Variants in ADARB2 observed in about 807,000 individuals in gnomAD.
ADARB2 encodes adenosine deaminase RNA specific B2 (inactive), also known as inactive double-stranded RNA-specific editase B2.
Under a neutral mutation model 62.2 loss-of-function variants are expected in ADARB2, and 25 were observed. The ratio of observed to expected loss-of-function variants is 0.40; its 90% confidence interval spans 0.29 to 0.56. The LOEUF is 0.56. ADARB2 is among the 20% of genes least tolerant of loss of function. The pLI is 0.43. For synonymous variants in ADARB2, 572 were observed against 500.8 expected, an observed-to-expected ratio of 1.14 and a Z score of -1.90; for missense variants, 1,071 against 1,077.4, an observed-to-expected ratio of 0.99 and a Z score of 0.08.
chr10:1,362,193 A>G lies in ADARB2; in HGVS notation c.1077+835T>C, dbSNP rs554340531. ...ATGACAGGAAATGTCCTCTCCATTT[A>G]CACAGGGCCTACGCCGAGTAACCAA... On this transcript the variant is annotated intron_variant, in intron 3 of 9. Coordinates refer to ENST00000381312, the MANE Select transcript of ADARB2 (RefSeq NM_018702.4). Among the ~76,000 whole-genome samples, 22 of 152,376 alleles carry G rather than the reference A, an allele frequency of 1.4e-4. 1 individual carries two copies. The South Asian group carries it at 4.6e-3, about 32-fold the overall frequency.
At chr10:1,499,316 TTCATTACTCACTGAATTAACCATTCAG>T (rs1831733248) in intron 1 of ADARB2, among the ~76,000 whole-genome samples, 1 of 151,652 alleles carries the variant, frequency 6.6e-6, no homozygotes, top group South Asian at 2.1e-4. Context: ...TCATCACGCA[TTCATTACTCACTGAATTAACCATTCAG>T]TCATTACTCA....
At chr10:1,486,346 C>G (rs1831542595) in intron 1 of ADARB2, among the ~76,000 whole-genome samples, 1 of 152,124 alleles carries the variant, frequency 6.6e-6, no homozygotes. Flanking sequence ...GCATTATTCT[C>G]TCTAAATTCC....
At chr10:1,346,792 G>T (rs771459062) in intron 3 of ADARB2, among the ~76,000 whole-genome samples, 4 of 152,240 alleles carry the variant, frequency 2.6e-5, no homozygotes, top group African/African-American at 4.8e-5. Flanking sequence ...TCTCCCATCT[G>T]CCCAGGGTCC....
intron 7 of ADARB2, among the ~76,000 whole-genome samples, chr10:1,201,128 C>A (rs1836980072): frequency 6.6e-6 from 1 of 152,158 alleles, no homozygotes; most frequent in Admixed American, 6.5e-5. Flanking sequence ...TCCAAAAACA[C>A]AAGCAATTTA....
intron 1 of ADARB2, among the ~76,000 whole-genome samples, chr10:1,531,768 C>T (rs2131960105): frequency 1.3e-5 from 2 of 152,110 alleles, no homozygotes; most frequent in Middle Eastern, 3.4e-3. Flanking sequence ...ACCCCGGAGG[C>T]GGAGGTTGCA....
At chr10:1,730,004 G>T (rs1473061947) in intron 1 of ADARB2, among the ~76,000 whole-genome samples, 1 of 152,208 alleles carries the variant, frequency 6.6e-6, no homozygotes, top group Non-Finnish European at 1.5e-5. Context: ...GCACATCCTG[G>T]TTAAGGGGTT....
At chr10:1,356,600 T>C (rs1832198251) in intron 3 of ADARB2, among the ~76,000 whole-genome samples, 1 of 152,192 alleles carries the variant, frequency 6.6e-6, no homozygotes. Flanking sequence ...GCTTTCATGC[T>C]GGCCTTCCAG....
chr10:1,684,206 A>G (rs944461823), intron 1 of ADARB2, among the ~76,000 whole-genome samples: 1 of 152,212 alleles, frequency 6.6e-6, no homozygotes, highest in African/African-American at 2.4e-5. Flanking sequence ...TCCATGACAG[A>G]AAAACAGACT....
At chr10:1,496,699 C>T (rs1831697098) in intron 1 of ADARB2, among the ~76,000 whole-genome samples, 2 of 152,084 alleles carry the variant, frequency 1.3e-5, no homozygotes, top group Admixed American at 1.3e-4. Flanking sequence ...ACTTAATTAT[C>T]ATCACCATTG....
Position 1,234,565 on chromosome 10 carries a change from C to T in ADARB2, c.1362-720G>A, listed in dbSNP as rs372029876. Among the ~76,000 whole-genome samples the T allele has an allele frequency of 2.3e-4, 35 of 151,012 alleles. No homozygotes were observed. The South Asian group carries it at 3.0e-3, about 13-fold the overall frequency. On this transcript the variant is annotated intron_variant, in intron 5 of 9. Transcript: ENST00000381312. ...AAGTGATCCTCCTGCCTCAGCCTCC[C>T]GAGTAGCTGGGACTACAGGTGCACA...
At chr10:1,721,414 A>G (rs1835091131) in intron 1 of ADARB2, among the ~76,000 whole-genome samples, 1 of 152,218 alleles carries the variant, frequency 6.6e-6, no homozygotes. Flanking sequence ...CGTGTTTTCT[A>G]TATTTTCCCA....
At chr10:1,556,810 A>G (rs750936293) in intron 1 of ADARB2, 1 of 534,510 alleles carries the variant, frequency 1.9e-6, no homozygotes, top group Non-Finnish European at 3.8e-6. Flanking sequence ...CCCTGGAAGC[A>G]TATGCTGCAG....
chr10:1,612,818 C>T (rs1483613661), intron 1 of ADARB2, among the ~76,000 whole-genome samples: 2 of 152,228 alleles, frequency 1.3e-5, no homozygotes, highest in Non-Finnish European at 2.9e-5. Flanking sequence ...ATAATATCCT[C>T]GTTTTGCCTC....
intron 6 of ADARB2, among the ~76,000 whole-genome samples, chr10:1,231,448 C>T (rs1243283938): frequency 6.6e-6 from 1 of 152,130 alleles, no homozygotes; most frequent in Non-Finnish European, 1.5e-5. Context: ...TGAAGCCACT[C>T]CTGGTGGTTT....
chr10:1,228,674 A>C (rs1427835496), intron 6 of ADARB2, among the ~76,000 whole-genome samples: 1 of 152,248 alleles, frequency 6.6e-6, no homozygotes, highest in Non-Finnish European at 1.5e-5. Context: ...CCTGGGTCAC[A>C]TGACATTGAA....
rs1387055199 is a variant in ADARB2, at chr10:1,481,637, T to C, written c.101-102477A>G. On this transcript the variant is annotated intron_variant, in intron 1 of 9. Coordinates refer to ENST00000381312, the MANE Select transcript of ADARB2 (RefSeq NM_018702.4). ...CATCATCCCAGCTGAAGTGTGCGGA[T>C]CACGAGGTCAGGAGTTCAAGACCAG... 4.1e-4 allele frequency among the ~76,000 whole-genome samples: 8 copies of C among 19,472 alleles called. No homozygotes were observed. The Non-Finnish European group carries it at 0.014, about 34-fold the overall frequency. 12.8% of individuals were successfully genotyped at this position (19,472 alleles called of 152,430 possible). A position where few individuals can be genotyped will look rare whatever the true frequency, so the allele number is the denominator to read the frequency against.
chr10:1,670,385 T>G (rs898213418), intron 1 of ADARB2, among the ~76,000 whole-genome samples: 1 of 152,368 alleles, frequency 6.6e-6, no homozygotes, highest in East Asian at 1.9e-4. Flanking sequence ...TGGATTTTAC[T>G]TAGGGCACAT....
chr10:1,220,352 GTGATGATGGTGATGATGA>G (rs1564225398), intron 6 of ADARB2, among the ~76,000 whole-genome samples: 2 of 124,180 alleles, frequency 1.6e-5, no homozygotes, highest in East Asian at 2.5e-4. Flanking sequence ...GGTGATTGTG[GTGATGATGGTGATGATGA>G]TGGTGATGGT....
Position 1,270,959 on chromosome 10 carries a change from G to T in ADARB2, c.1188C>A (p.Thr396=), listed in dbSNP as rs750196526. The change falls in exon 4 of 10, where the codon ACC becomes ACA. Residue 396 remains threonine (T), a synonymous_variant. Coordinates refer to ENST00000381312, the MANE Select transcript of ADARB2 (RefSeq NM_018702.4). ...AGGAAAAGAGGAGGTGGCTACCTTTGGTCATGACGATTCCTGCCAGCGCTT... is the reference window on the plus strand; with the variant it reads ...AGGAAAAGAGGAGGTGGCTACCTTTTGTCATGACGATTCCTGCCAGCGCTT... ...RHKALAGIVM[T]KGLDARQAQV... is the part of the protein sequence containing the mutation. 13 of 1,613,906 alleles carry T rather than the reference G, an allele frequency of 8.1e-6. No individual in the cohort carries two copies. The highest frequency in any genetic ancestry group is 1.1e-5 in the South Asian group (1 of 91,028).
Sources: gnomAD v4.1 joint callset for allele counts (sites outside exome capture counted in the v4.1 genomes callset) on GRCh38, gnomAD v4.1.1 for gene constraint, MANE v1.5 for transcripts, NCBI Gene and HGNC (gene_info 2026-07-23, HGNC 2026-07-21) for gene names.